Variants in EXOSC9 observed in about 807,000 individuals in gnomAD.
EXOSC9 encodes exosome complex component RRP45.
Under a neutral mutation model 56.5 loss-of-function variants are expected in EXOSC9, and 38 were observed. The observed-to-expected ratio is 0.67, with a 90% confidence interval of 0.52 to 0.88. The LOEUF (loss-of-function observed/expected upper bound fraction) is 0.88, where lower values mean the gene tolerates loss of function less well. EXOSC9 is among the 40% of genes least tolerant of loss of function. EXOSC9 has a pLI of 0.00. For missense variants in EXOSC9, 559 were observed against 530.5 expected (o/e 1.05, Z -0.53); for synonymous variants, 170 against 170.8 (o/e 0.99, Z 0.04).
rs1363427190 is a variant in EXOSC9 at position 121,801,823 on chromosome 4, A to T, written c.67-4A>T. ...TAAATTAATGAATGAATTTGTGCTT[A>T]CAGCGGCTGGATGGCAGACAAACCT... is the stretch of plus-strand genomic sequence containing the variant. On this transcript the variant is annotated splice_polypyrimidine_tract_variant and splice_region_variant and intron_variant, in intron 1 of 11. Coordinates refer to ENST00000243498, the MANE Select transcript of EXOSC9 (RefSeq NM_005033.3). 1.9e-5 allele frequency: 31 copies of T among 1,610,122 alleles called. No individual in the cohort carries two copies. The Admixed American group carries it at 5.0e-4, about 26-fold the overall frequency.
Position 121,813,388 on chromosome 4 carries a change from T to C in EXOSC9, c.974+8T>C. ...AGAACCTCCTTCAGAAGTGTATCTTTATTTGGTGGTTTTTGCAGTAACAAG... is the reference window on the plus strand; with the variant it reads ...AGAACCTCCTTCAGAAGTGTATCTTCATTTGGTGGTTTTTGCAGTAACAAG... On this transcript the variant is annotated splice_region_variant and intron_variant, in intron 9 of 11. Transcript: ENST00000243498. The C allele has an allele frequency of 6.2e-7, 1 of 1,609,958 alleles. No homozygotes were observed. Among genetic ancestry groups the C allele is most frequent in the Non-Finnish European group, 8.5e-7 (1 of 1,178,552 alleles).
Position 121,810,082 on chromosome 4 carries a change from A to G in EXOSC9, c.721A>G (p.Met241Val), listed in dbSNP as rs1727168421. The change falls in exon 7 of 12, where the codon ATG (methionine) becomes GTG (valine). Residue 241 changes from methionine to valine, a missense_variant. Met to Val is a conservative substitution (Grantham distance 21, BLOSUM62 1). Transcript: ENST00000243498. ...TACTATCCAGTCCAGTGGTGGGATAATGCTACTAAAAGATCAAGTTAGTGC... is the reference window on the plus strand; with the variant it reads ...TACTATCCAGTCCAGTGGTGGGATAGTGCTACTAAAAGATCAAGTTAGTGC... ...ICTIQSSGGI[M>V]LLKDQVLRCS... is the part of the protein sequence containing the mutation. 3 of 1,613,716 alleles carry G rather than the reference A, an allele frequency of 1.9e-6. No individual in the cohort carries two copies. The highest frequency in any genetic ancestry group is 2.5e-6 in the Non-Finnish European group (3 of 1,179,744).
At chr4:121,815,928 CTA>C in intron 10 of EXOSC9, 1 of 1,223,494 alleles carries the variant, frequency 8.2e-7, no homozygotes, top group Middle Eastern at 3.2e-4. Context: ...CTAGAGTGCT[CTA>C]AGAAGCTGAT....
At chr4:121,812,922 C>A (rs570974440) in intron 8 of EXOSC9, among the ~76,000 whole-genome samples, 1 of 152,208 alleles carries the variant, frequency 6.6e-6, no homozygotes, top group Non-Finnish European at 1.5e-5. Flanking sequence ...GATACATAAC[C>A]CAGCATTTCA....
chr4:121,802,482 G>A lies in EXOSC9; in HGVS notation c.162-192G>A, dbSNP rs576539968. 7.9e-5 allele frequency among the ~76,000 whole-genome samples: 12 copies of A among 152,166 alleles called. No individual in the cohort carries two copies. The South Asian group carries it at 8.3e-4, about 11-fold the overall frequency. ...TAAGAAGAGAGGTGTTTTTTCTGTCGTGTTTTTAGTTGTACCAATTTATGT... is the reference window on the plus strand; with the variant it reads ...TAAGAAGAGAGGTGTTTTTTCTGTCATGTTTTTAGTTGTACCAATTTATGT... On this transcript the variant is annotated intron_variant, in intron 2 of 11. Transcript: ENST00000243498.
intron 1 of EXOSC9, 60 bp from the exon 2 acceptor site, chr4:121,801,767 G>T (rs770656674): frequency 2.1e-6 from 3 of 1,433,676 alleles, no homozygotes; most frequent in Non-Finnish European, 3.0e-6. Context: ...CAGACAAAAA[G>T]TAGTTGCTTA....
chr4:121,801,854 TATAGG>T lies in EXOSC9; in HGVS notation c.96_100del (p.Tyr32Ter), dbSNP rs769305360. ...GCTGGATGGCAGACAAACCTATGAT[TATAGG>T]AACATCAGGATCTCATTTGGAACAG... On this transcript the variant is annotated frameshift_variant, in exon 2 of 12. Coordinates refer to ENST00000243498, the MANE Select transcript of EXOSC9 (RefSeq NM_005033.3). LOFTEE classifies it high-confidence loss of function. 6.2e-7 allele frequency: 1 copy of T among 1,613,818 alleles called. No homozygotes were observed. The highest frequency in any genetic ancestry group is 1.1e-5 in the South Asian group (1 of 91,070).
chr4:121,812,761 G>A (rs1172437283), intron 8 of EXOSC9, among the ~76,000 whole-genome samples: 2 of 152,178 alleles, frequency 1.3e-5, no homozygotes, highest in African/African-American at 4.8e-5. Context: ...AAAATATTAG[G>A]ATTACAGGTG....
chr4:121,813,757 A>G, intron 9 of EXOSC9, 109 bp from the exon 10 acceptor site: 1 of 776,572 alleles, frequency 1.3e-6, no homozygotes, highest in Non-Finnish European at 2.0e-6. Context: ...TCCCCTAGGA[A>G]CTTGGGGCAC....
In EXOSC9 at chr4:121,807,614, C is replaced by T. The variant is rs1301443983; in HGVS notation, c.597C>T (p.Phe199=). ...HMPICVSFAF[F]QQGTYLLVDP... Reference sequence around the variant, plus strand: ...CCATTTGTGTCAGTTTTGCCTTTTTCCAGCAAGGGTAAGCCTCGCCTTATT... The same window carrying T: ...CCATTTGTGTCAGTTTTGCCTTTTTTCAGCAAGGGTAAGCCTCGCCTTATT... Residue 199 remains phenylalanine (F), a synonymous_variant, in exon 6 of 12, where the codon TTC becomes TTT. Transcript: ENST00000243498. 6.2e-7 allele frequency: 1 copy of T among 1,609,084 alleles called. No individual in the cohort carries two copies. The highest frequency in any genetic ancestry group is 1.3e-5 in the African/African-American group (1 of 74,778).
chr4:121,805,083 C>T (rs1025839293), intron 5 of EXOSC9, among the ~76,000 whole-genome samples: 1 of 152,178 alleles, frequency 6.6e-6, no homozygotes, highest in Non-Finnish European at 1.5e-5. Context: ...TGAATCTCAG[C>T]ACAGTGAGAT....
chr4:121,801,505 C>G lies in EXOSC9; in HGVS notation c.66+15C>G, dbSNP rs139419769. ...AAGAGAAGAAGGTATGGTTTGGTGC[C>G]CGCAGAATTGCGCGCTGCGTGGGCG... On this transcript the variant is annotated intron_variant, in intron 1 of 11. Coordinates refer to ENST00000243498, the MANE Select transcript of EXOSC9 (RefSeq NM_005033.3). 1 of 1,613,500 alleles carries G rather than the reference C, an allele frequency of 6.2e-7. No homozygotes were observed. The highest frequency in any genetic ancestry group is 1.1e-5 in the South Asian group (1 of 91,068).
Position 121,804,772 on chromosome 4 carries a change from G to A in EXOSC9, c.522+13G>A. ...TGAAGTAACACTGGTAAGCTCCTAT[G>A]TGAACCAGGATCCTTGATATGAATG... On this transcript the variant is annotated intron_variant, in intron 5 of 11. Coordinates refer to ENST00000243498, the MANE Select transcript of EXOSC9 (RefSeq NM_005033.3). 1 of 1,584,604 alleles carries A rather than the reference G, an allele frequency of 6.3e-7. No individual in the cohort carries two copies. Among genetic ancestry groups the A allele is most frequent in the Non-Finnish European group, 8.6e-7 (1 of 1,161,078 alleles).
In EXOSC9 at chr4:121,813,798, TC is replaced by T; in HGVS notation, c.975-67del. The T allele has an allele frequency of 2.5e-6, 3 of 1,195,102 alleles. No homozygotes were observed. In the South Asian group the frequency reaches 4.4e-5, roughly 18 times the overall value. 74.0% of individuals were successfully genotyped at this position (1,195,102 alleles called of 1,614,324 possible). On this transcript the variant is annotated intron_variant, in intron 9 of 11. Transcript: ENST00000243498. The stretch of plus-strand genomic sequence containing the variant: ...AATCAATCTTACAAGAAGAAAACTT[TC>T]ATTCTCATCTTCAACAGTTCATCAA...
At chr4:121,804,375 C>T (rs41462746) in intron 4 of EXOSC9, 2,891 of 283,680 alleles carry the variant, frequency 0.01, 104 homozygotes, top group African/African-American at 0.059. Flanking sequence ...TTAGGAAAAT[C>T]GTAGTATTAA....
chr4:121,816,059 G>A, intron 10 of EXOSC9: 1 of 836,034 alleles, frequency 1.2e-6, no homozygotes, highest in South Asian at 2.6e-5. Flanking sequence ...ATGGGTTCAA[G>A]CGATTCTCAT....
At chr4:121,809,886 C>T in intron 6 of EXOSC9, 81 bp from the exon 7 acceptor site, 4 of 1,511,196 alleles carry the variant, frequency 2.6e-6, no homozygotes, top group Non-Finnish European at 3.7e-6. Context: ...TTATTGATGC[C>T]ATCTTTTAAA....
chr4:121,816,729 C>T (rs1225289035), intron 11 of EXOSC9, 43 bp from the exon 12 acceptor site: 1 of 1,525,882 alleles, frequency 6.6e-7, no homozygotes, highest in Non-Finnish European at 8.8e-7. Context: ...TAATCCAAAA[C>T]TTAACATACT....
At position 121,810,204 on chromosome 4, in the gene EXOSC9, T is replaced by A. The variant is rs557152906; in HGVS notation, c.738+105T>A. 7.0e-6 allele frequency: 7 copies of A among 1,005,942 alleles called. No individual in the cohort carries two copies. The South Asian group carries it at 1.0e-4, about 15-fold the overall frequency. 62.3% of individuals were successfully genotyped at this position (1,005,942 alleles called of 1,614,324 possible). A position where few individuals can be genotyped will look rare whatever the true frequency, so the allele number is the denominator to read the frequency against. On this transcript the variant is annotated intron_variant, in intron 7 of 11. Transcript: ENST00000243498. ...AATGGGGATACTTCCAGTGATTTAT[T>A]CTAGGATGTGTTAGAATCTGGTTTC...
Sources: allele counts gnomAD v4.1 joint callset (sites outside exome capture counted in the v4.1 genomes callset), GRCh38; gene constraint gnomAD v4.1.1; transcripts MANE v1.5; gene names NCBI Gene and HGNC (gene_info 2026-07-23, HGNC 2026-07-21).